Variants in ARL6 observed in about 807,000 individuals in gnomAD.
ARL6 encodes ARF like GTPase 6, also known as ADP-ribosylation factor-like protein 6.
ARL6 carries 18 observed loss-of-function variants against 27.1 expected under a neutral mutation model. The observed-to-expected ratio is 0.66, with a 90% confidence interval of 0.46 to 0.98. ARL6 has a LOEUF of 0.98. ARL6 is among the 50% of genes least tolerant of loss of function. The pLI, the probability that ARL6 is intolerant of heterozygous loss-of-function variation, is 0.00. For synonymous variants in ARL6, 65 were observed against 72.3 expected (o/e 0.90, Z 0.51); for missense variants, 187 against 214.9 (o/e 0.87, Z 0.81).
intron 2 of ARL6, among the ~76,000 whole-genome samples, chr3:97,768,749 C>G (rs529380898): frequency 7.9e-5 from 12 of 152,166 alleles, no homozygotes; most frequent in Middle Eastern, 3.4e-3. Flanking sequence ...TCTAATAGGG[C>G]TTTCCTAATT....
intron 2 of ARL6, among the ~76,000 whole-genome samples, chr3:97,772,714 C>T (rs568020399): frequency 1.2e-3 from 175 of 148,932 alleles, no homozygotes; most frequent in Admixed American, 2.3e-3. Flanking sequence ...CTCTGCCTCC[C>T]GGGTTCAAGC....
rs73850179 is a variant in ARL6 at position 97,768,438 on chromosome 3, G to A, written c.123+208G>A. On this transcript the variant is annotated intron_variant, in intron 2 of 7. Coordinates refer to ENST00000463745, the MANE Select transcript of ARL6 (RefSeq NM_001278293.3). ...TTAAACTGGAATATTATTTTCAAATGTCTTTTCTTTCAAAAGTTCTTCACA... is the reference window on the plus strand; with the variant it reads ...TTAAACTGGAATATTATTTTCAAATATCTTTTCTTTCAAAAGTTCTTCACA... Among the ~76,000 whole-genome samples the A allele has an allele frequency of 6.5e-3, 987 of 152,094 alleles. 8 individuals are homozygous for A. The highest frequency in any genetic ancestry group is 0.022 in the African/African-American group (898 of 41,518).
At chr3:97,771,229 C>G (rs1163768659) in intron 2 of ARL6, among the ~76,000 whole-genome samples, 1 of 151,408 alleles carries the variant, frequency 6.6e-6, no homozygotes, top group Non-Finnish European at 1.5e-5. Flanking sequence ...TTGTAGAGAT[C>G]TTTGGTTGGA....
intron 6 of ARL6, 125 bp from the exon 7 acceptor site, chr3:97,791,646 C>G: frequency 1.4e-6 from 1 of 724,964 alleles, no homozygotes; most frequent in Non-Finnish European, 2.3e-6. Flanking sequence ...CAATGCTTAA[C>G]CAGTTTTGCT....
At chr3:97,777,746 A>G (rs1312821246) in intron 2 of ARL6, among the ~76,000 whole-genome samples, 1 of 152,212 alleles carries the variant, frequency 6.6e-6, no homozygotes, top group Non-Finnish European at 1.5e-5. Flanking sequence ...CTTTTGGAAT[A>G]TGTTAGAGGA....
At chr3:97,775,666 T>C (rs1398945596) in intron 2 of ARL6, among the ~76,000 whole-genome samples, 1 of 152,214 alleles carries the variant, frequency 6.6e-6, no homozygotes, top group African/African-American at 2.4e-5. Flanking sequence ...AAAGAACTTT[T>C]GAATTTCCTT....
intron 4 of ARL6, among the ~76,000 whole-genome samples, chr3:97,783,051 A>T (rs186553896): frequency 6.6e-6 from 1 of 150,816 alleles, no homozygotes; most frequent in African/African-American, 2.4e-5. Flanking sequence ...ATGATGCCAT[A>T]ATGTTAAATA....
rs1229737184 is a variant in ARL6, at chr3:97,799,121, TA to T, written c.*1073del. On this transcript the variant is annotated 3_prime_UTR_variant, in exon 8 of 8. Transcript: ENST00000463745. ...CACTGAGCAACAGTATATAGAGCAA[TA>T]TTGTTGATCCTGATAAACACTGCAT... 1 of 152,034 alleles carries T rather than the reference TA, an allele frequency of 6.6e-6. No individual in the cohort carries two copies. The highest frequency in any genetic ancestry group is 2.4e-5 in the African/African-American group (1 of 41,446). 9.4% of individuals were successfully genotyped at this position (152,034 alleles called of 1,614,324 possible).
chr3:97,766,085 A>G (rs922232804), intron 1 of ARL6: 1 of 152,216 alleles, frequency 6.6e-6, no homozygotes, highest in Non-Finnish European at 1.5e-5. Flanking sequence ...AAGTCACAAT[A>G]CAAGGTACTG....
chr3:97,780,288 A>T, intron 3 of ARL6, 68 bp downstream of exon 3: 3 of 1,209,190 alleles, frequency 2.5e-6, no homozygotes, highest in Non-Finnish European at 3.7e-6. Context: ...CTACCTGGTC[A>T]TTCTTCCTAC....
At chr3:97,780,129 A>C in intron 2 of ARL6, 30 bp from the exon 3 acceptor site, 5 of 1,586,494 alleles carry the variant, frequency 3.2e-6, no homozygotes, top group Non-Finnish European at 4.3e-6. Flanking sequence ...GGTAATTGTA[A>C]ATTTCTGAAC....
Position 97,784,985 on chromosome 3 carries a change from T to C in ARL6, c.285T>C (p.Asp95=), listed in dbSNP as rs775398231. The change falls in exon 5 of 8, where the codon GAT becomes GAC. Residue 95 remains aspartate (D), a synonymous_variant. Transcript: ENST00000463745. ...KEGQAIIFVI[D]SSDRLRMVVA... ...GCCAAGCTATTATTTTTGTCATTGA[T>C]AGTAGTGATAGATTAAGAATGGTTG... is the stretch of plus-strand genomic sequence containing the variant. 1 of 1,612,824 alleles carries C rather than the reference T, an allele frequency of 6.2e-7. No homozygotes were observed. The highest frequency in any genetic ancestry group is 8.5e-7 in the Non-Finnish European group (1 of 1,179,084).
At chr3:97,795,461 G>T (rs2037955663) in intron 7 of ARL6, among the ~76,000 whole-genome samples, 1 of 152,122 alleles carries the variant, frequency 6.6e-6, no homozygotes, top group South Asian at 2.1e-4. Context: ...GATCAAGTAT[G>T]CTTAGTTTCA....
chr3:97,793,068 C>A (rs1321217887), intron 7 of ARL6, among the ~76,000 whole-genome samples: 1 of 152,014 alleles, frequency 6.6e-6, no homozygotes, highest in Admixed American at 6.6e-5. Flanking sequence ...CATAGTATTT[C>A]TTTGGTTCAA....
chr3:97,773,126 A>G (rs2036720284), intron 2 of ARL6, among the ~76,000 whole-genome samples: 1 of 152,180 alleles, frequency 6.6e-6, no homozygotes, highest in Non-Finnish European at 1.5e-5. Context: ...ACAAGGCTCC[A>G]CAATAGTCTG....
intron 4 of ARL6, among the ~76,000 whole-genome samples, chr3:97,784,494 A>AG (rs1439387649): frequency 2.0e-5 from 3 of 151,602 alleles, no homozygotes; most frequent in Non-Finnish European, 4.4e-5. Flanking sequence ...AAAAAAAAAA[A>AG]TCAAGGAAAT....
intron 2 of ARL6, among the ~76,000 whole-genome samples, 166 bp from the exon 3 acceptor site, chr3:97,779,993 A>C (rs1185371603): frequency 6.6e-6 from 1 of 152,224 alleles, no homozygotes; most frequent in Non-Finnish European, 1.5e-5. Context: ...AAACTTCTAT[A>C]AAGAATTCAC....
intron 2 of ARL6, among the ~76,000 whole-genome samples, chr3:97,769,771 G>C (rs571925540): frequency 6.6e-6 from 1 of 152,070 alleles, no homozygotes; most frequent in East Asian, 1.9e-4. Flanking sequence ...CCACAAACAA[G>C]TGAGAACATG....
chr3:97,777,143 T>A (rs1674069717), intron 2 of ARL6, among the ~76,000 whole-genome samples: 1 of 152,202 alleles, frequency 6.6e-6, no homozygotes, highest in South Asian at 2.1e-4. Flanking sequence ...TGATGGATGA[T>A]TTTTTAATAT....
Sources: allele counts gnomAD v4.1 joint callset (sites outside exome capture counted in the v4.1 genomes callset), GRCh38; gene constraint gnomAD v4.1.1; transcripts MANE v1.5; gene names NCBI Gene and HGNC (gene_info 2026-07-23, HGNC 2026-07-21).